Variants in PTPN14 observed in about 807,000 individuals in gnomAD.
PTPN14 encodes tyrosine-protein phosphatase non-receptor type 14.
PTPN14 carries 53 observed loss-of-function variants against 126.8 expected under a neutral mutation model. The observed-to-expected ratio is 0.42, with a 90% CI of 0.34 to 0.53. The LOEUF (loss-of-function observed/expected upper bound fraction) is 0.53, where lower values mean the gene tolerates loss of function less well. Ranked by LOEUF, PTPN14 falls within the 20% of genes least tolerant of loss-of-function variation. PTPN14 has a pLI of 0.08. For missense variants in PTPN14, 1,257 were observed against 1,552.9 expected (o/e 0.81, Z 3.20); for synonymous variants, 630 against 599.3 (o/e 1.05, Z -0.75).
At chr1:214,524,276 C>T (rs1655335057) in intron 1 of PTPN14, among the ~76,000 whole-genome samples, 1 of 152,080 alleles carries the variant, frequency 6.6e-6, no homozygotes, top group African/African-American at 2.4e-5. Flanking sequence ...TTCCTCATTG[C>T]AAGCTGATTT....
Position 214,493,649 on chromosome 1 carries a change from A to C in PTPN14, c.-154-28692T>G, listed in dbSNP as rs1661298150. On this transcript the variant is annotated intron_variant, in intron 1 of 18. Transcript: ENST00000366956. ...AAAACAGGAAATTGATCTTTTATAC[A>C]TAACTGTAATCTATTCAGAGACACA... Among the ~76,000 whole-genome samples, 4 of 152,384 alleles carry C rather than the reference A, an allele frequency of 2.6e-5. No homozygotes were observed. The South Asian group carries it at 8.3e-4, about 32-fold the overall frequency.
chr1:214,423,737 T>C (rs1043944608), intron 3 of PTPN14, among the ~76,000 whole-genome samples: 1 of 150,446 alleles, frequency 6.6e-6, no homozygotes, highest in African/African-American at 2.5e-5. Flanking sequence ...ACCCAGCACT[T>C]TGGGAGACCG....
Position 214,533,569 on chromosome 1 carries a change from C to T in PTPN14, c.-155+17614G>A, listed in dbSNP as rs142617092. 3.8e-3 allele frequency: 992 copies of T among 264,096 alleles called. 5 individuals are homozygous for T. The highest frequency in any genetic ancestry group is 5.6e-3 in the Non-Finnish European group (766 of 136,368). 16.4% of individuals were successfully genotyped at this position (264,096 alleles called of 1,614,324 possible). ...AAAAAAGGCTGGGTGCGGTGGCTCA[C>T]GCCTGTAATCCCAGCACTTTGGGAG... On this transcript the variant is annotated intron_variant, in intron 1 of 18. Coordinates refer to ENST00000366956, the MANE Select transcript of PTPN14 (RefSeq NM_005401.5).
chr1:214,399,154 T>C (rs1421950170), intron 7 of PTPN14, among the ~76,000 whole-genome samples: 2 of 152,130 alleles, frequency 1.3e-5, no homozygotes, highest in Non-Finnish European at 2.9e-5. Flanking sequence ...CACTCCACAA[T>C]ATACACGTTA....
intron 1 of PTPN14, among the ~76,000 whole-genome samples, chr1:214,483,695 T>A (rs1661053363): frequency 6.6e-6 from 1 of 152,196 alleles, no homozygotes; most frequent in Non-Finnish European, 1.5e-5. Context: ...TGACACTCAC[T>A]CCCTCATATA....
At chr1:214,475,111 C>A (rs1224080197) in intron 1 of PTPN14, among the ~76,000 whole-genome samples, 1 of 152,158 alleles carries the variant, frequency 6.6e-6, no homozygotes, top group Non-Finnish European at 1.5e-5. Context: ...CCATTCTCTA[C>A]AGCTTTGTAT....
At chr1:214,377,391 G>A (rs539426894) in intron 14 of PTPN14, among the ~76,000 whole-genome samples, 1 of 152,318 alleles carries the variant, frequency 6.6e-6, no homozygotes, top group East Asian at 1.9e-4. Context: ...AGGGTGGAAG[G>A]AGGGAGAGGA....
chr1:214,406,657 G>T (rs1659178952), intron 5 of PTPN14, among the ~76,000 whole-genome samples: 1 of 152,138 alleles, frequency 6.6e-6, no homozygotes, highest in African/African-American at 2.4e-5. Flanking sequence ...TCTGTCCAAT[G>T]ATGAGATTTA....
chr1:214,422,783 T>G (rs1449971042), intron 3 of PTPN14, among the ~76,000 whole-genome samples: 2 of 152,196 alleles, frequency 1.3e-5, no homozygotes, highest in Non-Finnish European at 2.9e-5. Flanking sequence ...TCTCTGTGAA[T>G]GGGCACAAGT....
At chr1:214,487,645 AAC>A (rs886271681) in intron 1 of PTPN14, among the ~76,000 whole-genome samples, 1 of 147,092 alleles carries the variant, frequency 6.8e-6, no homozygotes, top group African/African-American at 2.5e-5. Flanking sequence ...AAAAAAAAAA[AAC>A]GACTGTTACA....
intron 13 of PTPN14, among the ~76,000 whole-genome samples, chr1:214,381,988 T>C (rs372067754): frequency 1.3e-5 from 2 of 152,050 alleles, no homozygotes; most frequent in South Asian, 4.1e-4. Flanking sequence ...CACAGCAACC[T>C]CCGCCTTGTG....
chr1:214,488,265 C>T (rs1414076288), intron 1 of PTPN14, among the ~76,000 whole-genome samples: 2 of 152,186 alleles, frequency 1.3e-5, no homozygotes, highest in Non-Finnish European at 2.9e-5. Context: ...ATTTGAGCCA[C>T]ATTTTTAATA....
chr1:214,413,206 C>T (rs1484051254), intron 4 of PTPN14, among the ~76,000 whole-genome samples: 1 of 152,050 alleles, frequency 6.6e-6, no homozygotes, highest in African/African-American at 2.4e-5. Context: ...GAAGAAAGAC[C>T]CAATTTGACA....
At chr1:214,394,845 A>G in intron 9 of PTPN14, 54 bp downstream of exon 9, 1 of 1,493,952 alleles carries the variant, frequency 6.7e-7, no homozygotes, top group Non-Finnish European at 9.3e-7. Context: ...AGGAGTTGAA[A>G]AGTCCAAAAG....
intron 2 of PTPN14, among the ~76,000 whole-genome samples, chr1:214,463,284 G>A (rs1660553634): frequency 6.6e-6 from 1 of 150,594 alleles, no homozygotes; most frequent in African/African-American, 2.5e-5. Flanking sequence ...ATGCAAATGT[G>A]TGTTTAAATG....
In PTPN14 at chr1:214,397,652, A is replaced by G. The variant is rs983641559; in HGVS notation, c.758+261T>C. Among the ~76,000 whole-genome samples the G allele has an allele frequency of 2.6e-5, 4 of 152,228 alleles. No individual in the cohort carries two copies. The East Asian group carries it at 7.7e-4, about 29-fold the overall frequency. On this transcript the variant is annotated intron_variant, in intron 8 of 18. Transcript: ENST00000366956. ...CTGACTGGAGAGCCAGTTTTCAACCAGACTCACGAAGTTTAGTTTCATCCT... is the reference window on the plus strand; with the variant it reads ...CTGACTGGAGAGCCAGTTTTCAACCGGACTCACGAAGTTTAGTTTCATCCT...
At chr1:214,404,866 C>T (rs977617612) in intron 5 of PTPN14, among the ~76,000 whole-genome samples, 18 of 152,186 alleles carry the variant, frequency 1.2e-4, no homozygotes. Flanking sequence ...TTCCCTCCCC[C>T]ACCAAAGGAA....
rs1657759369 is a variant in PTPN14, at chr1:214,353,944, G to A, written c.*3978C>T. On this transcript the variant is annotated 3_prime_UTR_variant, in exon 19 of 19. Transcript: ENST00000366956. ...TTTGCAGAAAATATGGTCCATTATTGGAAATTTCATATGGGTCAATCTATA... is the reference window on the plus strand; with the variant it reads ...TTTGCAGAAAATATGGTCCATTATTAGAAATTTCATATGGGTCAATCTATA... The A allele has an allele frequency of 6.6e-6, 1 of 152,146 alleles. No homozygotes were observed. The highest frequency in any genetic ancestry group is 6.5e-5 in the Admixed American group (1 of 15,268). 9.4% of individuals were successfully genotyped at this position (152,146 alleles called of 1,614,324 possible).
intron 3 of PTPN14, among the ~76,000 whole-genome samples, chr1:214,436,022 A>C (rs1391220673): frequency 6.6e-6 from 1 of 152,232 alleles, no homozygotes; most frequent in Admixed American, 6.5e-5. Flanking sequence ...GACTGGATAA[A>C]GAAAATATGT....
Sources: allele counts gnomAD v4.1 joint callset (sites outside exome capture counted in the v4.1 genomes callset), GRCh38; gene constraint gnomAD v4.1.1; transcripts MANE v1.5; gene names NCBI Gene and HGNC (gene_info 2026-07-23, HGNC 2026-07-21).